USP34: variants seen among roughly 807,000 people sequenced by gnomAD.
The protein encoded by USP34 is ubiquitin specific peptidase 34.
Under a neutral mutation model 460.3 loss-of-function variants are expected in USP34, and 70 were observed. The observed-to-expected ratio is 0.15, with a 90% CI of 0.13 to 0.19. USP34 has a LOEUF of 0.19. Ranked by LOEUF, USP34 falls within the 10% of genes least tolerant of loss-of-function variation. The pLI is 1.00. For synonymous variants in USP34, 1,647 were observed against 1,405.3 expected (o/e 1.17, Z -3.85); for missense variants, 3,985 against 4,236.2 (o/e 0.94, Z 1.65).
chr2:61,405,221 A>C (rs1294548798), intron 3 of USP34, among the ~76,000 whole-genome samples: 18 of 120,550 alleles, frequency 1.5e-4, no homozygotes, highest in Admixed American at 2.9e-4. Context: ...CAACAGAGAG[A>C]GACTCCATCT....
Position 61,331,268 on chromosome 2 carries a change from G to T in USP34, c.2930+8C>A. On this transcript the variant is annotated splice_region_variant and intron_variant, in intron 20 of 79. Coordinates refer to ENST00000398571, the MANE Select transcript of USP34 (RefSeq NM_014709.4). ...CAAATGTATTTAACCCAGTTGAGAG[G>T]TACTTACAGTGCATGTTTTTGTCTT... 6.2e-7 allele frequency: 1 copy of T among 1,604,336 alleles called. No homozygotes were observed. Among genetic ancestry groups the T allele is most frequent in the Non-Finnish European group, 8.5e-7 (1 of 1,173,334 alleles).
chr2:61,241,653 T>C lies in USP34; in HGVS notation c.6684A>G (p.Thr2228=). ...DKFMDFSFEK[T]HSAYMLFYKR... is the part of the protein sequence containing the mutation. ...TGTAAAACAGCATATATGCACTGTG[T>C]GTCTTTAAGAGGCAAGAAAAAAATT... The change falls in exon 53 of 80, where the codon ACA becomes ACG. Residue 2228 remains threonine, a splice_region_variant and synonymous_variant. Transcript: ENST00000398571. 6.3e-7 allele frequency: 1 copy of C among 1,576,574 alleles called. No individual in the cohort carries two copies. Among genetic ancestry groups the C allele is most frequent in the Non-Finnish European group, 8.6e-7 (1 of 1,167,544 alleles).
At chr2:61,344,123 C>G (rs1691688480) in intron 15 of USP34, 94 bp from the exon 16 acceptor site, 2 of 1,180,362 alleles carry the variant, frequency 1.7e-6, no homozygotes, top group Admixed American at 2.2e-5. Flanking sequence ...TACAAATACA[C>G]TTAGAAACAA....
intron 1 of USP34, among the ~76,000 whole-genome samples, chr2:61,445,062 G>C (rs1342546324): frequency 6.6e-6 from 1 of 151,552 alleles, no homozygotes; most frequent in African/African-American, 2.4e-5. Context: ...AATAGTAACT[G>C]CCAACTTGTA....
chr2:61,457,198 C>T (rs1695465556), intron 1 of USP34, among the ~76,000 whole-genome samples: 1 of 152,084 alleles, frequency 6.6e-6, no homozygotes, highest in East Asian at 1.9e-4. Context: ...ATCTCTTGAG[C>T]CTGGGAGGTC....
At chr2:61,271,972 C>T (rs959291358) in intron 41 of USP34, among the ~76,000 whole-genome samples, 2 of 152,172 alleles carry the variant, frequency 1.3e-5, no homozygotes, top group Admixed American at 6.6e-5. Flanking sequence ...AATACCTCTA[C>T]TTGGATATCT....
chr2:61,187,751 G>C lies in USP34; in HGVS notation c.*351C>G. ...CTCTATAAGGTACAAAACTGGCACA[G>C]AGGACACCATATCATACACAGTAAA... On this transcript the variant is annotated 3_prime_UTR_variant, in exon 80 of 80. Transcript: ENST00000398571. 1.9e-6 allele frequency: 1 copy of C among 519,004 alleles called. No individual in the cohort carries two copies. Among genetic ancestry groups the C allele is most frequent in the Non-Finnish European group, 2.6e-6 (1 of 383,328 alleles). 32.1% of individuals were successfully genotyped at this position (519,004 alleles called of 1,614,324 possible). A position where few individuals can be genotyped will look rare whatever the true frequency, so the allele number is the denominator to read the frequency against.
At chr2:61,383,471 G>T in intron 5 of USP34, 135 bp from the exon 6 acceptor site, 1 of 513,870 alleles carries the variant, frequency 1.9e-6, no homozygotes, top group East Asian at 3.4e-5. Flanking sequence ...TTGGGAGGCT[G>T]AGGTGGGCAG....
At chr2:61,253,690 G>A (rs1267865988) in intron 48 of USP34, among the ~76,000 whole-genome samples, 2 of 150,902 alleles carry the variant, frequency 1.3e-5, no homozygotes, top group African/African-American at 2.4e-5. Context: ...TCCTTTGTTT[G>A]AGCCCCAAGA....
chr2:61,379,793 T>C (rs1372884579), intron 7 of USP34, among the ~76,000 whole-genome samples: 1 of 152,274 alleles, frequency 6.6e-6, no homozygotes, highest in Non-Finnish European at 1.5e-5. Context: ...TAGTAAAATT[T>C]GGCCTACGGC....
At chr2:61,400,068 G>A (rs1003115676) in intron 3 of USP34, among the ~76,000 whole-genome samples, 3 of 124,894 alleles carry the variant, frequency 2.4e-5, no homozygotes, top group Admixed American at 1.7e-4. Flanking sequence ...TTTTAAAAGA[G>A]AAAACAGAGA....
chr2:61,369,063 G>C, intron 10 of USP34, among the ~76,000 whole-genome samples: 1 of 152,166 alleles, frequency 6.6e-6, no homozygotes, highest in East Asian at 1.9e-4. Flanking sequence ...TTAAACACAA[G>C]ATTTGCAAAC....
intron 16 of USP34, among the ~76,000 whole-genome samples, chr2:61,342,628 A>G (rs1468021472): frequency 6.6e-6 from 1 of 151,838 alleles, no homozygotes; most frequent in Non-Finnish European, 1.5e-5. Context: ...GACCATTTCT[A>G]TGTATCATCT....
rs1324988694 is a variant in USP34, at chr2:61,350,625, T to C, written c.1320A>G (p.Pro440=). The change falls in exon 11 of 80, where the codon CCA becomes CCG. Residue 440 remains proline (P), a synonymous_variant. Transcript: ENST00000398571. ...AGACCAGATTAAGTAGATGTCTAAGTGGTACGGGATCCAAATTCTTGATGA... is the reference window on the plus strand; with the variant it reads ...AGACCAGATTAAGTAGATGTCTAAGCGGTACGGGATCCAAATTCTTGATGA... ...PSLIKNLDPV[P]LRHLLNLVSA... is the part of the protein sequence containing the mutation. 1 of 1,613,726 alleles carries C rather than the reference T, an allele frequency of 6.2e-7. No individual in the cohort carries two copies. The highest frequency in any genetic ancestry group is 8.5e-7 in the Non-Finnish European group (1 of 1,179,846).
At position 61,319,225 on chromosome 2, in the gene USP34, T is replaced by C; in HGVS notation, c.3116A>G (p.Lys1039Arg). The stretch of plus-strand genomic sequence containing the variant: ...TTCCATACCCATAGCATGTTGATCT[T>C]TACTTCGAACTTGATTTAAAAACCA... ...LHWFLNQVRSKDQHAMGMETY... is the reference protein window; with the variant it reads ...LHWFLNQVRSRDQHAMGMETY... The change falls in exon 22 of 80, where the codon AAA becomes AGA. Residue 1039 changes from lysine (K) to arginine (R), a missense_variant. Around this residue, in one of 14 missense-constraint regions of USP34, gnomAD observed 1,114 missense variants for 1,122.5 expected, o/e 0.99. Coordinates refer to ENST00000398571, the MANE Select transcript of USP34 (RefSeq NM_014709.4). 1 of 1,592,274 alleles carries C rather than the reference T, an allele frequency of 6.3e-7. No homozygotes were observed. Among genetic ancestry groups the C allele is most frequent in the East Asian group, 2.3e-5 (1 of 43,482 alleles).
intron 15 of USP34, among the ~76,000 whole-genome samples, chr2:61,346,027 G>C (rs1352356451): frequency 6.6e-6 from 1 of 152,136 alleles, no homozygotes; most frequent in Non-Finnish European, 1.5e-5. Context: ...TAACCAAAAA[G>C]TTTTATGCTG....
rs1165514687 is a variant in USP34 at position 61,204,561 on chromosome 2, A to G, written c.9195T>C (p.Phe3065=). The G allele has an allele frequency of 1.2e-6, 2 of 1,614,140 alleles. No homozygotes were observed. The highest frequency in any genetic ancestry group is 3.3e-5 in the Admixed American group (2 of 60,030). Residue 3065 remains phenylalanine (F), a synonymous_variant, in exon 73 of 80, where the codon TTT becomes TTC. Coordinates refer to ENST00000398571, the MANE Select transcript of USP34 (RefSeq NM_014709.4). Reference sequence around the variant, plus strand: ...GTAGAAAGGGAACCAGAGTATGAAGAAAATCATGGGGACTCAAAAGTACAA... The same window carrying G: ...GTAGAAAGGGAACCAGAGTATGAAGGAAATCATGGGGACTCAAAAGTACAA... ...KELVLLSPHD[F]LHTLVPFLQH...
chr2:61,248,379 T>A lies in USP34; in HGVS notation c.6394+132A>T, dbSNP rs772576337. ...TGGTTAACTGACTGAATGCATGACA[T>A]TGTCTTAACCTTCTCCCTTCTAAGA... On this transcript the variant is annotated intron_variant, in intron 49 of 79. Transcript: ENST00000398571. 5 of 839,604 alleles carry A rather than the reference T, an allele frequency of 6.0e-6. No homozygotes were observed. In the African/African-American group the frequency reaches 8.6e-5, roughly 14 times the overall value. 52.0% of individuals were successfully genotyped at this position (839,604 alleles called of 1,614,324 possible). A position where few individuals can be genotyped will look rare whatever the true frequency, so the allele number is the denominator to read the frequency against.
At chr2:61,367,328 G>GCA (rs137968735) in intron 10 of USP34, among the ~76,000 whole-genome samples, 5 of 152,028 alleles carry the variant, frequency 3.3e-5, no homozygotes, top group African/African-American at 9.7e-5. Context: ...ACACGCGCGC[G>GCA]CACACACACA....
Sources: allele counts gnomAD v4.1 joint callset (sites outside exome capture counted in the v4.1 genomes callset), GRCh38; gene constraint gnomAD v4.1.1; regional missense constraint gnomAD v4.1.1; transcripts MANE v1.5; gene names NCBI Gene and HGNC (gene_info 2026-07-23, HGNC 2026-07-21).